Variants in DDO observed in about 807,000 individuals in gnomAD.
The protein encoded by DDO is D-aspartate oxidase, DDO.
DDO carries 16 observed loss-of-function variants against 16.8 expected under a neutral mutation model. That is an observed-to-expected ratio of 0.95 (90% CI 0.65 to 1.45). The LOEUF is 1.45. Among genes scored for constraint, DDO ranks in the 40% most tolerant of loss-of-function variants. The pLI is 0.00. For missense variants in DDO, 429 were observed against 420.3 expected (o/e 1.02, Z -0.18); for synonymous variants, 180 against 167.2 (o/e 1.08, Z -0.59).
chr6:110,393,528 G>A (rs554844456), intron 4 of DDO, among the ~76,000 whole-genome samples, 186 bp from the exon 5 acceptor site: 9 of 152,298 alleles, frequency 5.9e-5, no homozygotes, highest in African/African-American at 2.2e-4. Context: ...AGGAACTGGG[G>A]ATTTCTAAAG....
rs1773117734 is a variant in DDO at position 110,392,106 on chromosome 6, G to A, written c.*669C>T. The stretch of plus-strand genomic sequence containing the variant: ...TCTCCTACCATCATTACCAGCTGAG[G>A]GGAGGAAAAGCTTGCTGCTAGTACT... On this transcript the variant is annotated 3_prime_UTR_variant, in exon 5 of 5. Coordinates refer to ENST00000368924, the MANE Select transcript of DDO (RefSeq NM_001372108.2). 2.4e-6 allele frequency: 2 copies of A among 839,128 alleles called. No individual in the cohort carries two copies. Among genetic ancestry groups the A allele is most frequent in the Non-Finnish European group, 2.9e-6 (2 of 696,500 alleles). The allele number at this position is 839,128 out of a possible 1,614,324, so 52.0% of individuals were successfully genotyped here. A position where few individuals can be genotyped will look rare whatever the true frequency, so the allele number is the denominator to read the frequency against.
chr6:110,397,057 G>A (rs957030416), intron 4 of DDO, among the ~76,000 whole-genome samples: 14 of 152,066 alleles, frequency 9.2e-5, no homozygotes, highest in African/African-American at 1.4e-4. Flanking sequence ...ATATGACCTC[G>A]GCCAAGTTAT....
At chr6:110,400,044 GCCCCAAGCC>G in intron 4 of DDO, among the ~76,000 whole-genome samples, 1 of 152,294 alleles carries the variant, frequency 6.6e-6, no homozygotes, top group East Asian at 1.9e-4. Flanking sequence ...CGTCCTCGCA[GCCCCAAGCC>G]CCCTGGCTGG....
At position 110,413,286 on chromosome 6, in the gene DDO, C is replaced by T. The variant is rs1206911405; in HGVS notation, c.172+5G>A. On this transcript the variant is annotated splice_donor_5th_base_variant and intron_variant, in intron 2 of 4. Transcript: ENST00000368924. ...GTATCTGATAGAGGAGCTGAAATCT[C>T]TCACCTGGATAAGTGTGAGGAATAA... 3 of 1,613,536 alleles carry T rather than the reference C, an allele frequency of 1.9e-6. No homozygotes were observed. The African/African-American group carries it at 4.0e-5, about 22-fold the overall frequency.
At chr6:110,388,948 T>G (rs1294385002), downstream of DDO, 2 of 337,870 alleles carry the variant, frequency 5.9e-6, no homozygotes, top group East Asian at 3.3e-4. Flanking sequence ...TAAATGAAGA[T>G]AAGCTGTGAT....
intron 2 of DDO, 44 bp from the exon 3 acceptor site, chr6:110,408,486 A>T: frequency 1.3e-6 from 2 of 1,569,994 alleles, no homozygotes; most frequent in Non-Finnish European, 1.7e-6. Context: ...AAGGAAAATG[A>T]TGATAATGAC....
chr6:110,406,575 C>A (rs1268952715), intron 3 of DDO, among the ~76,000 whole-genome samples: 1 of 152,214 alleles, frequency 6.6e-6, no homozygotes, highest in Non-Finnish European at 1.5e-5. Context: ...TTTTGAAATG[C>A]AATTATGACC....
In DDO at chr6:110,393,087, T is replaced by C. The variant is rs748228931; in HGVS notation, c.714A>G (p.Gln238=). 6.2e-7 allele frequency: 1 copy of C among 1,613,730 alleles called. No homozygotes were observed. The highest frequency in any genetic ancestry group is 8.5e-7 in the Non-Finnish European group (1 of 1,179,586). The change falls in exon 5 of 5, where the codon CAA becomes CAG. Residue 238 remains glutamine, a synonymous_variant. Transcript: ENST00000368924. ...CCGGGGACAGATTCCAGTCCCCTTT[T>C]TGCCTAGTTCCACCTAGGGTTACAT... ...TSHVTLGGTR[Q]KGDWNLSPDA...
chr6:110,402,416 G>C (rs1294496278), intron 4 of DDO, among the ~76,000 whole-genome samples: 4 of 152,186 alleles, frequency 2.6e-5, no homozygotes, highest in Admixed American at 6.5e-5. Context: ...TGTAATCCCA[G>C]CACTTTGGGA....
chr6:110,413,268 A>G, intron 2 of DDO, 23 bp downstream of exon 2: 2 of 1,611,864 alleles, frequency 1.2e-6, no homozygotes, highest in Middle Eastern at 1.7e-4. Flanking sequence ...ATTGTATCTG[A>G]TAGAGGAGCT....
At chr6:110,398,576 T>A (rs956478048) in intron 4 of DDO, among the ~76,000 whole-genome samples, 2 of 152,112 alleles carry the variant, frequency 1.3e-5, no homozygotes, top group African/African-American at 4.8e-5. Context: ...GCGGACAGCC[T>A]GTGGCTGGCA....
At chr6:110,409,021 G>T (rs1773758549) in intron 2 of DDO, among the ~76,000 whole-genome samples, 1 of 152,186 alleles carries the variant, frequency 6.6e-6, no homozygotes, top group Non-Finnish European at 1.5e-5. Flanking sequence ...CCCCCTGCAG[G>T]CCAGACTTCC....
At chr6:110,400,224 G>T (rs1001358334) in intron 4 of DDO, among the ~76,000 whole-genome samples, 2 of 152,256 alleles carry the variant, frequency 1.3e-5, no homozygotes, top group African/African-American at 4.8e-5. Flanking sequence ...TGCTTTGGAA[G>T]CAGGAAGAAG....
downstream of DDO, among the ~76,000 whole-genome samples, chr6:110,390,348 C>T (rs1222146928): frequency 6.6e-6 from 1 of 152,224 alleles, no homozygotes; most frequent in East Asian, 1.9e-4. Flanking sequence ...TTTCATAAAG[C>T]AGGCCTGGGC....
At chr6:110,391,486 C>T (rs1045736240), downstream of DDO, among the ~76,000 whole-genome samples, 1 of 151,938 alleles carries the variant, frequency 6.6e-6, no homozygotes, top group Non-Finnish European at 1.5e-5. Flanking sequence ...CAGGCACCCA[C>T]CATCATGCCC....
chr6:110,399,599 C>T (rs1339669635), intron 4 of DDO, among the ~76,000 whole-genome samples: 1 of 149,014 alleles, frequency 6.7e-6, no homozygotes, highest in African/African-American at 2.4e-5. Context: ...GAGAGGAGTC[C>T]CGTGCTGCAA....
chr6:110,392,818 C>T lies in DDO; in HGVS notation c.983G>A (p.Cys328Tyr), dbSNP rs1311648558. The T allele has an allele frequency of 6.2e-7, 1 of 1,605,220 alleles. No individual in the cohort carries two copies. The highest frequency in any genetic ancestry group is 1.7e-5 in the Admixed American group (1 of 59,250). ...AATGGGGGTCCTGAGGGCATGGACACACTCGCTCACCAGCCTGGCGGCCTC... is the reference window on the plus strand; with the variant it reads ...AATGGGGGTCCTGAGGGCATGGACATACTCGCTCACCAGCCTGGCGGCCTC... ...ALEAARLVSE[C>Y]VHALRTPIPK... The change falls in exon 5 of 5, where the codon TGT (cysteine) becomes TAT (tyrosine). Residue 328 changes from cysteine to tyrosine, a missense_variant. Coordinates refer to ENST00000368924, the MANE Select transcript of DDO (RefSeq NM_001372108.2).
chr6:110,401,753 C>T (rs958553705), intron 4 of DDO, among the ~76,000 whole-genome samples: 1 of 152,150 alleles, frequency 6.6e-6, no homozygotes, highest in African/African-American at 2.4e-5. Flanking sequence ...TCAATGGATG[C>T]TAAAACTCGT....
intron 3 of DDO, among the ~76,000 whole-genome samples, chr6:110,405,293 C>T (rs1399350921): frequency 6.6e-6 from 1 of 152,182 alleles, no homozygotes; most frequent in Non-Finnish European, 1.5e-5. Context: ...CCACCTTGGC[C>T]TCCCAAAGTG....
Sources: gnomAD v4.1 joint callset for allele counts (sites outside exome capture counted in the v4.1 genomes callset) on GRCh38, gnomAD v4.1.1 for gene constraint, MANE v1.5 for transcripts, NCBI Gene and HGNC (gene_info 2026-07-23, HGNC 2026-07-21) for gene names.